The following CCSER1 variants were observed in gnomAD, a reference collection of about 807,000 sequenced individuals.
CCSER1 encodes the protein serine-rich coiled-coil domain-containing protein 1.
A neutral mutation model predicts 82.0 loss-of-function variants in CCSER1; 41 were observed. That is an observed-to-expected ratio of 0.50 (90% confidence interval 0.39 to 0.65). The LOEUF (loss-of-function observed/expected upper bound fraction) is 0.65, where lower values mean the gene tolerates loss of function less well. CCSER1 is among the 30% of genes least tolerant of loss of function. CCSER1 has a pLI of 0.00. For synonymous variants in CCSER1, 414 were observed against 383.9 expected (o/e 1.08, Z -0.92); for missense variants, 1,119 against 1,064.2 (o/e 1.05, Z -0.72).
intron 1 of CCSER1, among the ~76,000 whole-genome samples, chr4:90,259,655 T>C (rs1175847887): frequency 2.6e-5 from 4 of 152,078 alleles, no homozygotes; most frequent in Non-Finnish European, 4.4e-5. Flanking sequence ...TTGTTAAGAG[T>C]TTTTATTATG....
At chr4:91,136,605 T>G (rs1400774675) in intron 10 of CCSER1, among the ~76,000 whole-genome samples, 4 of 152,188 alleles carry the variant, frequency 2.6e-5, no homozygotes, top group Non-Finnish European at 5.9e-5. Flanking sequence ...GTTTTCCGAA[T>G]GTAATGGATA....
intron 9 of CCSER1, among the ~76,000 whole-genome samples, chr4:91,065,285 T>C (rs1720688898): frequency 6.6e-6 from 1 of 152,140 alleles, no homozygotes; most frequent in South Asian, 2.1e-4. Context: ...TTCTTGTTAT[T>C]GGGAACAAAT....
intron 5 of CCSER1, among the ~76,000 whole-genome samples, chr4:90,619,859 G>A (rs1560825145): frequency 6.6e-6 from 1 of 152,118 alleles, no homozygotes; most frequent in East Asian, 1.9e-4. Flanking sequence ...TTTCATAAGT[G>A]AAATGCTCCT....
chr4:90,544,034 A>G (rs980273314), intron 5 of CCSER1, among the ~76,000 whole-genome samples: 2 of 152,128 alleles, frequency 1.3e-5, no homozygotes, highest in Non-Finnish European at 2.9e-5. Context: ...CAGCAGTCGA[A>G]GTAACATTGT....
chr4:91,119,828 AAT>A (rs1317383064), intron 10 of CCSER1, among the ~76,000 whole-genome samples: 1 of 152,090 alleles, frequency 6.6e-6, no homozygotes, highest in African/African-American at 2.4e-5. Flanking sequence ...TATATGTATA[AAT>A]ATGTGTGTAA....
At chr4:90,660,154 A>G (rs1317268097) in intron 6 of CCSER1, among the ~76,000 whole-genome samples, 5 of 152,094 alleles carry the variant, frequency 3.3e-5, no homozygotes, top group African/African-American at 1.2e-4. Flanking sequence ...TATAACTACC[A>G]TTTGATCTAA....
intron 9 of CCSER1, among the ~76,000 whole-genome samples, chr4:91,034,946 AT>A (rs1741303507): frequency 6.6e-6 from 1 of 152,080 alleles, no homozygotes; most frequent in South Asian, 2.1e-4. Flanking sequence ...ATAGCTTGAC[AT>A]TTTCTTCATG....
intron 3 of CCSER1, among the ~76,000 whole-genome samples, chr4:90,376,797 C>T (rs1330102423): frequency 3.3e-5 from 5 of 152,122 alleles, no homozygotes; most frequent in Non-Finnish European, 5.9e-5. Context: ...GTTAAAGACA[C>T]AATTCTCCAT....
chr4:90,991,703 G>A (rs758427270), intron 9 of CCSER1, among the ~76,000 whole-genome samples: 24 of 151,872 alleles, frequency 1.6e-4, no homozygotes, highest in East Asian at 3.9e-4. Flanking sequence ...ATAAAGTCAC[G>A]TCCATAGCTA....
At chr4:90,282,850 T>TCCA (rs896924614) in intron 1 of CCSER1, among the ~76,000 whole-genome samples, 12 of 151,884 alleles carry the variant, frequency 7.9e-5, no homozygotes, top group Non-Finnish European at 1.5e-4. Flanking sequence ...CAGATTAAGG[T>TCCA]CCATTACTCT....
At chr4:90,491,108 G>C (rs1006987373) in intron 5 of CCSER1, among the ~76,000 whole-genome samples, 4 of 152,050 alleles carry the variant, frequency 2.6e-5, no homozygotes, top group Non-Finnish European at 4.4e-5. Context: ...AAATTACCTT[G>C]GGCAGTATGG....
At chr4:91,377,496 G>A (rs1578306841) in intron 10 of CCSER1, among the ~76,000 whole-genome samples, 1 of 152,254 alleles carries the variant, frequency 6.6e-6, no homozygotes, top group East Asian at 1.9e-4. Flanking sequence ...TTCTCTGATG[G>A]CCAGTGATGT....
In CCSER1 at chr4:91,503,243, G is replaced by A. The variant is rs1759307508; in HGVS notation, c.2218-95329G>A. ...TGTGGTCCCAGCTACTCGGGAGGCT[G>A]AGGCAGGAGAATGGAGTGAACCCGG... is the stretch of plus-strand genomic sequence containing the variant. On this transcript the variant is annotated intron_variant, in intron 10 of 10. Transcript: ENST00000509176. 2.0e-5 allele frequency among the ~76,000 whole-genome samples: 3 copies of A among 151,716 alleles called. No individual in the cohort carries two copies. In the South Asian group the frequency reaches 6.2e-4, roughly 31 times the overall value.
chr4:91,346,550 T>TA (rs1299548106), intron 10 of CCSER1, among the ~76,000 whole-genome samples: 4 of 152,186 alleles, frequency 2.6e-5, no homozygotes, highest in Non-Finnish European at 4.4e-5. Flanking sequence ...TTTAATTTTA[T>TA]AAAAAATTGC....
chr4:90,446,974 A>C (rs766432732), intron 4 of CCSER1, among the ~76,000 whole-genome samples: 1 of 152,228 alleles, frequency 6.6e-6, no homozygotes, highest in Non-Finnish European at 1.5e-5. Context: ...AGAATACAGC[A>C]ATAATGCATA....
chr4:90,958,352 A>T (rs1215583377), intron 9 of CCSER1, among the ~76,000 whole-genome samples: 4 of 152,198 alleles, frequency 2.6e-5, no homozygotes, highest in Non-Finnish European at 5.9e-5. Context: ...GGCTAATAAA[A>T]CAGTAAAGTA....
intron 10 of CCSER1, among the ~76,000 whole-genome samples, chr4:91,457,586 C>T (rs1304933166): frequency 6.6e-6 from 1 of 152,024 alleles, no homozygotes; most frequent in African/African-American, 2.4e-5. Flanking sequence ...TGGAAGATTG[C>T]TTGATACCAG....
chr4:91,291,374 TGTTA>T (rs1033997235), intron 10 of CCSER1, among the ~76,000 whole-genome samples: 6 of 152,174 alleles, frequency 3.9e-5, no homozygotes, highest in African/African-American at 7.2e-5. Flanking sequence ...GCTCTGTATT[TGTTA>T]GTTCTCGCAC....
At chr4:90,266,041 A>G (rs1725174116) in intron 1 of CCSER1, among the ~76,000 whole-genome samples, 1 of 152,166 alleles carries the variant, frequency 6.6e-6, no homozygotes, top group Admixed American at 6.5e-5. Flanking sequence ...TCAGATTTAA[A>G]TTATTTCACT....
Sources: gnomAD v4.1 joint callset for allele counts (sites outside exome capture counted in the v4.1 genomes callset) on GRCh38, gnomAD v4.1.1 for gene constraint, MANE v1.5 for transcripts, NCBI Gene and HGNC (gene_info 2026-07-23, HGNC 2026-07-21) for gene names.